Variants in OR2H1 observed in about 807,000 individuals in gnomAD.
The protein encoded by OR2H1 is olfactory receptor family 2 subfamily H member 1.
For missense variants in OR2H1, 380 were observed against 367.3 expected (o/e 1.03, Z -0.28); for synonymous variants, 155 against 155.2 (o/e 1.00, Z 0.01).
chr6:29,464,250 T>C lies in OR2H1; in HGVS notation c.*1530T>C, dbSNP rs1787660644. ...TTTCAATTTAGCAGCCTTTCAAATG[T>C]ATATGGTTCTGGCCACATTAAAGTT... On this transcript the variant is annotated 3_prime_UTR_variant, in exon 4 of 4. Coordinates refer to ENST00000377133, the MANE Select transcript of OR2H1 (RefSeq NM_030883.5). The C allele has an allele frequency of 6.0e-6, 1 of 167,028 alleles. No homozygotes were observed. The highest frequency in any genetic ancestry group is 2.1e-4 in the South Asian group (1 of 4,830). 10.3% of individuals were successfully genotyped at this position (167,028 alleles called of 1,614,324 possible).
intron 2 of OR2H1, among the ~76,000 whole-genome samples, 188 bp downstream of exon 2, chr6:29,458,757 T>A (rs912542188): frequency 1.3e-5 from 2 of 152,250 alleles, no homozygotes; most frequent in African/African-American, 4.8e-5. Context: ...AGGGTTCTTT[T>A]AAGAAGCAGA....
rs1297740489 is a variant in OR2H1 at position 29,462,728 on chromosome 6, T to C, written c.*8T>C. 4 of 1,592,564 alleles carry C rather than the reference T, an allele frequency of 2.5e-6. No individual in the cohort carries two copies. The highest frequency in any genetic ancestry group is 2.6e-6 in the Non-Finnish European group (3 of 1,167,460). On this transcript the variant is annotated 3_prime_UTR_variant, in exon 4 of 4. Coordinates refer to ENST00000377133, the MANE Select transcript of OR2H1 (RefSeq NM_030883.5). ...AGCTGGAGAGCTGCTTAATATACTT[T>C]CGAAAGTAAGAAGAGTTTCTTCAAG...
At position 29,462,186 on chromosome 6, in the gene OR2H1, C is replaced by A; in HGVS notation, c.417C>A (p.Cys139Ter). Residue 139 changes from cysteine to a stop codon, truncating the protein, a stop_gained, in exon 4 of 4, where the codon TGC becomes TGA. Transcript: ENST00000377133. LOFTEE classifies it low-confidence loss of function (END_TRUNC). ...HYATIIHPRL[C>*]WQLASVAWVM... The stretch of plus-strand genomic sequence containing the variant: ...CCACCATCATCCACCCCCGCCTGTG[C>A]TGGCAGCTGGCATCTGTGGCCTGGG... 6.2e-7 allele frequency: 1 copy of A among 1,613,682 alleles called. No homozygotes were observed.
chr6:29,462,685 G>T lies in OR2H1; in HGVS notation c.916G>T (p.Glu306Ter). 6.2e-7 allele frequency: 1 copy of T among 1,612,858 alleles called. No homozygotes were observed. Among genetic ancestry groups the T allele is most frequent in the Non-Finnish European group, 8.5e-7 (1 of 1,179,938 alleles). The change falls in exon 4 of 4, where the codon GAA (glutamate) becomes TAA (stop). Residue 306 changes from glutamate to a stop codon, truncating the protein, a stop_gained. Coordinates refer to ENST00000377133, the MANE Select transcript of OR2H1 (RefSeq NM_030883.5). LOFTEE classifies it low-confidence loss of function (END_TRUNC). ...KRALRRLLGK[E>*]RDSRESWRAA Reference sequence around the variant, plus strand: ...AGCACTCAGGAGGTTACTAGGGAAGGAAAGAGACTCCAGGGAAAGCTGGAG... The same window carrying T: ...AGCACTCAGGAGGTTACTAGGGAAGTAAAGAGACTCCAGGGAAAGCTGGAG...
At chr6:29,459,957 A>T (rs879674083) in intron 2 of OR2H1, 1 of 151,950 alleles carries the variant, frequency 6.6e-6, no homozygotes, top group Non-Finnish European at 1.5e-5. Flanking sequence ...TTTCCCATGT[A>T]TTTCCCAGTG....
At position 29,462,473 on chromosome 6, in the gene OR2H1, C is replaced by A; in HGVS notation, c.704C>A (p.Ala235Asp). ...RINSATAWRK[A>D]FGTCSSHLTV... is the part of the protein sequence containing the mutation. ...AACTCTGCCACAGCATGGAGAAAGG[C>A]CTTTGGGACCTGCTCCTCCCATCTC... Residue 235 changes from alanine (A) to aspartate (D), a missense_variant, in exon 4 of 4, where the codon GCC becomes GAC. Ala to Asp is a moderately radical substitution (Grantham distance 126). Coordinates refer to ENST00000377133, the MANE Select transcript of OR2H1 (RefSeq NM_030883.5). 6.2e-7 allele frequency: 1 copy of A among 1,613,106 alleles called. No homozygotes were observed. The highest frequency in any genetic ancestry group is 8.5e-7 in the Non-Finnish European group (1 of 1,180,034).
chr6:29,462,178 C>G lies in OR2H1; in HGVS notation c.409C>G (p.Arg137Gly), dbSNP rs141663433. The G allele has an allele frequency of 1.2e-6, 2 of 1,613,690 alleles. No individual in the cohort carries two copies. The highest frequency in any genetic ancestry group is 2.2e-5 in the East Asian group (1 of 44,878). Residue 137 changes from arginine to glycine, a missense_variant, in exon 4 of 4, where the codon CGC becomes GGC. By Grantham distance (125) the Arg-to-Gly change is moderately radical (BLOSUM62 -2). Coordinates refer to ENST00000377133, the MANE Select transcript of OR2H1 (RefSeq NM_030883.5). ...PLHYATIIHPRLCWQLASVAW... is the reference protein window; with the variant it reads ...PLHYATIIHPGLCWQLASVAW... ...CCACTATGCCACCATCATCCACCCC[C>G]GCCTGTGCTGGCAGCTGGCATCTGT...
Position 29,462,479 on chromosome 6 carries a change from G to A in OR2H1, c.710G>A (p.Gly237Glu). Residue 237 changes from glycine to glutamate, a missense_variant, in exon 4 of 4, where the codon GGG (glycine) becomes GAG (glutamate). Transcript: ENST00000377133. Reference sequence around the variant, plus strand: ...GCCACAGCATGGAGAAAGGCCTTTGGGACCTGCTCCTCCCATCTCACTGTG... The same window carrying A: ...GCCACAGCATGGAGAAAGGCCTTTGAGACCTGCTCCTCCCATCTCACTGTG... ...NSATAWRKAF[G>E]TCSSHLTVVT... The A allele has an allele frequency of 2.5e-6, 4 of 1,613,054 alleles. No individual in the cohort carries two copies. Among genetic ancestry groups the A allele is most frequent in the Non-Finnish European group, 3.4e-6 (4 of 1,180,036 alleles).
intron 2 of OR2H1, among the ~76,000 whole-genome samples, chr6:29,458,807 A>G (rs1373814798): frequency 6.6e-6 from 1 of 152,224 alleles, no homozygotes; most frequent in Non-Finnish European, 1.5e-5. Context: ...AGTATATAGG[A>G]CATCAACAGA....
Position 29,462,218 on chromosome 6 carries a change from G to A in OR2H1, c.449G>A (p.Ser150Asn). 6.2e-7 allele frequency: 1 copy of A among 1,613,500 alleles called. No individual in the cohort carries two copies. The highest frequency in any genetic ancestry group is 8.5e-7 in the Non-Finnish European group (1 of 1,180,024). The change falls in exon 4 of 4, where the codon AGT (serine) becomes AAT (asparagine). Residue 150 changes from serine to asparagine, a missense_variant. Transcript: ENST00000377133. Reference protein sequence around the residue: ...WQLASVAWVMSLVQSIVQTPS... With the variant: ...WQLASVAWVMNLVQSIVQTPS... Reference sequence around the variant, plus strand: ...CTGGCATCTGTGGCCTGGGTTATGAGTCTGGTTCAATCGATAGTCCAGACA... The same window carrying A: ...CTGGCATCTGTGGCCTGGGTTATGAATCTGGTTCAATCGATAGTCCAGACA...
At chr6:29,459,588 T>C (rs1313536264) in intron 2 of OR2H1, among the ~76,000 whole-genome samples, 1 of 152,078 alleles carries the variant, frequency 6.6e-6, no homozygotes, top group Non-Finnish European at 1.5e-5. Flanking sequence ...GATGCAGAGG[T>C]GATTGTGCCA....
Position 29,462,120 on chromosome 6 carries a change from C to T in OR2H1, c.351C>T (p.Ala117=). 1 of 1,613,648 alleles carries T rather than the reference C, an allele frequency of 6.2e-7. No homozygotes were observed. The highest frequency in any genetic ancestry group is 8.5e-7 in the Non-Finnish European group (1 of 1,180,018). Reference sequence around the variant, plus strand: ...AGTGCATCCTCCTGACAGTGATGGCCTTTGACCGATACGTGGCTGTCTGCC... The same window carrying T: ...AGTGCATCCTCCTGACAGTGATGGCTTTTGACCGATACGTGGCTGTCTGCC... ...TTECILLTVM[A]FDRYVAVCQP... is the part of the protein sequence containing the mutation. Residue 117 remains alanine (A), a synonymous_variant, in exon 4 of 4, where the codon GCC becomes GCT. Coordinates refer to ENST00000377133, the MANE Select transcript of OR2H1 (RefSeq NM_030883.5).
In OR2H1 at chr6:29,462,984, G is replaced by T; in HGVS notation, c.*264G>T. 5.9e-6 allele frequency: 3 copies of T among 505,730 alleles called. No homozygotes were observed. The highest frequency in any genetic ancestry group is 3.5e-5 in the South Asian group (1 of 28,288). 31.3% of individuals were successfully genotyped at this position (505,730 alleles called of 1,614,324 possible). A position where few individuals can be genotyped will look rare whatever the true frequency, so the allele number is the denominator to read the frequency against. ...TCTTAATATTTCTATCCTCCATTCT[G>T]TTCTTTTTACTGTCATCACTTCTAT... is the stretch of plus-strand genomic sequence containing the variant. On this transcript the variant is annotated 3_prime_UTR_variant, in exon 4 of 4. Coordinates refer to ENST00000377133, the MANE Select transcript of OR2H1 (RefSeq NM_030883.5).
rs1455631067 is a variant in OR2H1 at position 29,461,592 on chromosome 6, A to G, written c.-178A>G. The G allele has an allele frequency of 1.7e-6, 1 of 589,932 alleles. No individual in the cohort carries two copies. Among genetic ancestry groups the G allele is most frequent in the African/African-American group, 1.9e-5 (1 of 53,968 alleles). 36.5% of individuals were successfully genotyped at this position (589,932 alleles called of 1,614,324 possible). A position where few individuals can be genotyped will look rare whatever the true frequency, so the allele number is the denominator to read the frequency against. On this transcript the variant is annotated 5_prime_UTR_variant, in exon 4 of 4. Coordinates refer to ENST00000377133, the MANE Select transcript of OR2H1 (RefSeq NM_030883.5). ...AACGTTTGATCAGAAGGAACAGGGA[A>G]CGAGAAGGAGCTGCTGGATGACGAT...
chr6:29,460,252 C>T (rs1192158315), intron 2 of OR2H1, 152 bp from the exon 3 acceptor site: 3 of 152,030 alleles, frequency 2.0e-5, no homozygotes, highest in Non-Finnish European at 4.4e-5. Context: ...GTTGCCCAGG[C>T]TGGAGTGTAA....
chr6:29,459,324 G>C (rs1050686888), intron 2 of OR2H1, among the ~76,000 whole-genome samples: 16 of 152,190 alleles, frequency 1.1e-4, no homozygotes, highest in African/African-American at 3.9e-4. Flanking sequence ...AGACTTCTAA[G>C]ATACCAGTAA....
rs780937195 is a variant in OR2H1 at position 29,462,375 on chromosome 6, C to A, written c.606C>A (p.Val202=). The A allele has an allele frequency of 4.9e-5, 79 of 1,613,040 alleles. No individual in the cohort carries two copies. Among genetic ancestry groups the A allele is most frequent in the Non-Finnish European group, 6.3e-5 (74 of 1,180,050 alleles). Residue 202 remains valine (V), a synonymous_variant, in exon 4 of 4, where the codon GTC becomes GTA. Transcript: ENST00000377133. ...AAATCCAGTTGGCTGTGTCCAGTGTCATCTTCGTGGTTGTGCCTCTCAGCC... is the reference window on the plus strand; with the variant it reads ...AAATCCAGTTGGCTGTGTCCAGTGTAATCTTCGTGGTTGTGCCTCTCAGCC... ...YNEIQLAVSS[V]IFVVVPLSLI... is the part of the protein sequence containing the mutation.
chr6:29,461,289 G>C (rs1001199599), intron 3 of OR2H1, among the ~76,000 whole-genome samples: 2 of 152,082 alleles, frequency 1.3e-5, no homozygotes, highest in African/African-American at 4.8e-5. Context: ...TTATGCCCCA[G>C]AATACAGAAT....
At chr6:29,460,373 T>A (rs1324038843) in intron 2 of OR2H1, 31 bp from the exon 3 acceptor site, 4 of 53,352 alleles carry the variant, frequency 7.5e-5, no homozygotes, top group African/African-American at 3.3e-4. Flanking sequence ...ACCCCGCTAA[T>A]TTTTTTTTTT....
Sources: allele counts gnomAD v4.1 joint callset (sites outside exome capture counted in the v4.1 genomes callset), GRCh38; gene constraint gnomAD v4.1.1; transcripts MANE v1.5; gene names NCBI Gene and HGNC (gene_info 2026-07-23, HGNC 2026-07-21).